Variants in PHF24 observed in about 807,000 individuals in gnomAD.
PHF24 encodes Galpha inhibitory interacting protein.
A neutral mutation model predicts 42.6 loss-of-function variants in PHF24; 25 were observed. The ratio of observed to expected loss-of-function variants is 0.59; its 90% CI spans 0.43 to 0.82. PHF24 has a LOEUF of 0.82. PHF24 is among the 40% of genes least tolerant of loss of function. The pLI, the probability that PHF24 is intolerant of heterozygous loss-of-function variation, is 0.00. For missense variants in PHF24, 470 were observed against 538.1 expected, an observed-to-expected ratio of 0.87 and a Z score of 1.25; for synonymous variants, 185 against 204.8, an observed-to-expected ratio of 0.90 and a Z score of 0.83.
At chr9:34,813,877 G>C in the PHF24 span, among the ~76,000 whole-genome samples, 1 of 103,732 alleles carries the variant, frequency 9.6e-6, no homozygotes, top group Non-Finnish European at 2.5e-5. Flanking sequence ...GGCCATGTTA[G>C]AGACCGTCCC....
At chr9:34,974,387 A>C (rs372823687) in intron 3 of PHF24, among the ~76,000 whole-genome samples, 1 of 152,092 alleles carries the variant, frequency 6.6e-6, no homozygotes, top group South Asian at 2.1e-4. Flanking sequence ...TCTTTTCTTT[A>C]GGATTTAAGT....
chr9:34,767,998 A>C, the PHF24 span, among the ~76,000 whole-genome samples: 1 of 152,154 alleles, frequency 6.6e-6, no homozygotes, highest in Admixed American at 6.5e-5. Flanking sequence ...CCTTGTACTC[A>C]CTTTGAGTCT....
chr9:34,945,336 A>G, the PHF24 span, among the ~76,000 whole-genome samples: 1 of 152,330 alleles, frequency 6.6e-6, no homozygotes, highest in East Asian at 1.9e-4. Context: ...TTAGATACAC[A>G]AGAGCTTTGG....
the PHF24 span, chr9:34,832,812 G>A: frequency 3.9e-6 from 6 of 1,551,366 alleles, no homozygotes; most frequent in Non-Finnish European, 5.2e-6. Context: ...CTGTGAAGCT[G>A]GGGCACCACA....
chr9:34,910,750 T>TCTAA, the PHF24 span, among the ~76,000 whole-genome samples: 1 of 152,126 alleles, frequency 6.6e-6, no homozygotes, highest in Non-Finnish European at 1.5e-5. Flanking sequence ...ATTCAGAGTC[T>TCTAA]CTAACTTTTA....
At chr9:34,764,987 A>G in the PHF24 span, among the ~76,000 whole-genome samples, 2 of 152,120 alleles carry the variant, frequency 1.3e-5, no homozygotes, top group Admixed American at 1.3e-4. Context: ...CAGGTTGTTC[A>G]GTTTCCATGT....
At chr9:34,905,084 C>A in the PHF24 span, among the ~76,000 whole-genome samples, 1 of 152,122 alleles carries the variant, frequency 6.6e-6, no homozygotes, top group Non-Finnish European at 1.5e-5. Flanking sequence ...ATGCTTCAGT[C>A]TCTTTTTAGT....
At chr9:34,776,380 G>T in the PHF24 span, among the ~76,000 whole-genome samples, 1 of 152,076 alleles carries the variant, frequency 6.6e-6, no homozygotes, top group East Asian at 1.9e-4. Context: ...TGGAGGCTTT[G>T]CTCATTCTAT....
At chr9:34,671,725 C>A in the PHF24 span, among the ~76,000 whole-genome samples, 1 of 152,162 alleles carries the variant, frequency 6.6e-6, no homozygotes, top group African/African-American at 2.4e-5. Context: ...TCAGAAGACA[C>A]TATTGTGGAG....
the PHF24 span, among the ~76,000 whole-genome samples, chr9:34,745,027 C>T: frequency 1.3e-5 from 2 of 152,146 alleles, no homozygotes; most frequent in East Asian, 3.9e-4. Flanking sequence ...AACTAGAAGG[C>T]TTGGGCGGAA....
At chr9:34,774,234 A>C in the PHF24 span, among the ~76,000 whole-genome samples, 5 of 152,218 alleles carry the variant, frequency 3.3e-5, no homozygotes, top group African/African-American at 1.2e-4. Context: ...CCAAAAGATA[A>C]AGATGTAACT....
the PHF24 span, among the ~76,000 whole-genome samples, chr9:34,897,589 C>T: frequency 1.3e-5 from 2 of 152,136 alleles, no homozygotes; most frequent in Non-Finnish European, 2.9e-5. Flanking sequence ...TTCATTAGCA[C>T]AAGGGTTTCT....
the PHF24 span, among the ~76,000 whole-genome samples, chr9:34,692,974 G>A: frequency 6.6e-6 from 1 of 151,900 alleles, no homozygotes; most frequent in East Asian, 1.9e-4. Flanking sequence ...TTTAGTAGAG[G>A]TGAGGTTTCA....
chr9:34,740,098 G>GTGTA, the PHF24 span, among the ~76,000 whole-genome samples: 3 of 152,212 alleles, frequency 2.0e-5, no homozygotes, highest in Non-Finnish European at 4.4e-5. Flanking sequence ...GTGCCGATTG[G>GTGTA]TGTATTAACA....
At chr9:34,669,247 A>G in the PHF24 span, among the ~76,000 whole-genome samples, 1 of 152,022 alleles carries the variant, frequency 6.6e-6, no homozygotes, top group South Asian at 2.1e-4. Flanking sequence ...AAACTTTCTA[A>G]ATTGATTGAG....
exon 4 of PHF24, chr9:34,976,199 G>A (rs767508631): frequency 8.7e-6 from 14 of 1,613,956 alleles, no homozygotes; most frequent in African/African-American, 4.0e-5. Context: ...ATAGCCTCAC[G>A]GAGACCTTTC....
the PHF24 span, among the ~76,000 whole-genome samples, chr9:34,798,051 G>T: frequency 6.6e-5 from 10 of 152,158 alleles, no homozygotes; most frequent in African/African-American, 2.2e-4. Flanking sequence ...GTAGAGAAAA[G>T]GTGTGACCAC....
chr9:34,726,912 C>A, the PHF24 span: 1 of 1,551,772 alleles, frequency 6.4e-7, no homozygotes, highest in African/African-American at 1.4e-5. Context: ...TCCAGAGCCA[C>A]AGAATTGCAG....
At chr9:34,810,334 G>T in the PHF24 span, among the ~76,000 whole-genome samples, 1 of 152,182 alleles carries the variant, frequency 6.6e-6, no homozygotes, top group African/African-American at 2.4e-5. Flanking sequence ...AGTCCCTGAG[G>T]TGCTGCGGGG....
Sources: gnomAD v4.1 joint callset for allele counts (sites outside exome capture counted in the v4.1 genomes callset) on GRCh38, gnomAD v4.1.1 for gene constraint, MANE v1.5 for transcripts, NCBI Gene and HGNC (gene_info 2026-07-23, HGNC 2026-07-21) for gene names.